ARHGAP6: variants seen among roughly 807,000 people sequenced by gnomAD.
ARHGAP6 encodes rho GTPase-activating protein 6.
Under a neutral mutation model 55.7 loss-of-function variants are expected in ARHGAP6, and 16 were observed. The observed-to-expected ratio is 0.29, with a 90% CI of 0.19 to 0.44. The LOEUF (loss-of-function observed/expected upper bound fraction) is 0.44, where lower values mean the gene tolerates loss of function less well. Ranked by LOEUF, ARHGAP6 falls within the 20% of genes least tolerant of loss-of-function variation. ARHGAP6 has a pLI of 1.00. For synonymous variants in ARHGAP6, 382 were observed against 360.9 expected (o/e 1.06, Z -0.66); for missense variants, 698 against 808.9 (o/e 0.86, Z 1.66).
intron 1 of ARHGAP6, among the ~76,000 whole-genome samples, chrX:11,417,059 C>CATATATATATATAT (rs768174897): frequency 3.3e-4 from 11 of 33,356 alleles, no homozygotes; most frequent in Non-Finnish European, 4.5e-4. Flanking sequence ...TGGGTGTGTA[C>CATATATATATATAT]ATATATATAT....
chrX:11,262,004 T>G lies in ARHGAP6; in HGVS notation c.589-7297A>C, dbSNP rs1040306589. Among the ~76,000 whole-genome samples, 11 of 112,212 alleles carry G rather than the reference T, an allele frequency of 9.8e-5. No homozygotes were observed. In the Admixed American group the frequency reaches 1.0e-3, roughly 11 times the overall value. On this transcript the variant is annotated intron_variant, in intron 1 of 12. Transcript: ENST00000337414. ...TAAGCCCAGATTACATATAATCTCC[T>G]TAAAATGATGGTGCTGGAAATATTA...
At chrX:11,442,517 T>C (rs2050049817) in intron 1 of ARHGAP6, among the ~76,000 whole-genome samples, 1 of 111,948 alleles carries the variant, frequency 8.9e-6, no homozygotes, top group African/African-American at 3.3e-5. Flanking sequence ...CTCCAGCACT[T>C]CTTTACAATT....
intron 1 of ARHGAP6, among the ~76,000 whole-genome samples, chrX:11,628,573 T>G (rs907178495): frequency 2.7e-5 from 3 of 112,704 alleles, no homozygotes; most frequent in Admixed American, 9.4e-5. Flanking sequence ...TCTGTGATAC[T>G]CTACAGCTAG....
intron 2 of ARHGAP6, among the ~76,000 whole-genome samples, chrX:11,213,224 TG>T (rs1417193501): frequency 8.9e-6 from 1 of 112,954 alleles, no homozygotes. Flanking sequence ...ACCCCGTGGG[TG>T]GGGCCCAGGC....
At position 11,472,309 on chromosome X, in the gene ARHGAP6, C is replaced by T. The variant is rs767003498; in HGVS notation, c.588+191932G>A. On this transcript the variant is annotated intron_variant, in intron 1 of 12. Transcript: ENST00000337414. ...AGACAAAATCCCTCCATGTTAAGAACCACTGACATAAATGAATTCAATAAT... is the reference window on the plus strand; with the variant it reads ...AGACAAAATCCCTCCATGTTAAGAATCACTGACATAAATGAATTCAATAAT... Among the ~76,000 whole-genome samples the T allele has an allele frequency of 2.0e-3, 220 of 111,725 alleles. 2 individuals carry two copies. The highest frequency in any genetic ancestry group is 2.7e-3 in the Non-Finnish European group (143 of 53,084).
chrX:11,635,818 C>T (rs1266541689), intron 1 of ARHGAP6, among the ~76,000 whole-genome samples: 11 of 111,761 alleles, frequency 9.8e-5, no homozygotes, highest in Non-Finnish European at 1.9e-4. Flanking sequence ...TCACTTTGGG[C>T]GTTGCAATAT....
intron 1 of ARHGAP6, among the ~76,000 whole-genome samples, chrX:11,586,864 T>C (rs1357469210): frequency 8.9e-6 from 1 of 112,114 alleles, no homozygotes; most frequent in Non-Finnish European, 1.9e-5. Context: ...TGGTTTATAG[T>C]TCTCCTTGCA....
intron 10 of ARHGAP6, among the ~76,000 whole-genome samples, chrX:11,149,637 CAG>C (rs1323742167): frequency 4.5e-5 from 5 of 111,608 alleles, no homozygotes; most frequent in Admixed American, 2.9e-4. Context: ...AAAAGAAAAA[CAG>C]AAATTATAAT....
At chrX:11,378,340 T>C (rs1449226800) in intron 1 of ARHGAP6, among the ~76,000 whole-genome samples, 1 of 112,827 alleles carries the variant, frequency 8.9e-6, no homozygotes, top group Non-Finnish European at 1.9e-5. Context: ...TAGAACACTT[T>C]CTTCATCCCA....
chrX:11,419,774 A>G (rs1041428701), intron 1 of ARHGAP6, among the ~76,000 whole-genome samples: 1 of 112,418 alleles, frequency 8.9e-6, no homozygotes, highest in Non-Finnish European at 1.9e-5. Flanking sequence ...TCTTTACCAG[A>G]TATTTCAGTC....
chrX:11,434,383 C>A (rs1366391236), intron 1 of ARHGAP6, among the ~76,000 whole-genome samples: 1 of 111,603 alleles, frequency 9.0e-6, no homozygotes, highest in Admixed American at 9.5e-5. Context: ...TGGGTCTCCA[C>A]CCATCGTTGA....
At chrX:11,526,257 G>C (rs1188848617) in intron 1 of ARHGAP6, among the ~76,000 whole-genome samples, 1 of 111,450 alleles carries the variant, frequency 9.0e-6, no homozygotes, top group Non-Finnish European at 1.9e-5. Flanking sequence ...GCTTCACTCT[G>C]AGTCATCCCA....
chrX:11,643,914 G>A (rs1338838715), intron 1 of ARHGAP6, among the ~76,000 whole-genome samples: 1 of 111,351 alleles, frequency 9.0e-6, no homozygotes, highest in Non-Finnish European at 1.9e-5. Flanking sequence ...CTAGCTGACC[G>A]CATATGCATG....
At chrX:11,222,415 T>G (rs2147419230) in intron 2 of ARHGAP6, among the ~76,000 whole-genome samples, 1 of 111,994 alleles carries the variant, frequency 8.9e-6, no homozygotes, top group East Asian at 2.8e-4. Flanking sequence ...AGATGGATAC[T>G]GTATGTAAAA....
intron 1 of ARHGAP6, among the ~76,000 whole-genome samples, chrX:11,354,321 CTCTCTCTATATATA>C (rs1423213331): frequency 8.7e-4 from 56 of 64,394 alleles, no homozygotes; most frequent in Non-Finnish European, 1.5e-3. Flanking sequence ...CTCTCTCTCT[CTCTCTCTATATATA>C]TATATATATA....
chrX:11,567,033 G>A (rs749291642), intron 1 of ARHGAP6, among the ~76,000 whole-genome samples: 180 of 112,057 alleles, frequency 1.6e-3, no homozygotes, highest in Middle Eastern at 9.2e-3. Context: ...ACACATCAGT[G>A]CACAGCAGTC....
At chrX:11,414,852 G>A (rs1424113033) in intron 1 of ARHGAP6, among the ~76,000 whole-genome samples, 2 of 111,635 alleles carry the variant, frequency 1.8e-5, no homozygotes, top group East Asian at 5.5e-4. Flanking sequence ...TCTTTTAAAA[G>A]TGATACTAGT....
At chrX:11,472,254 A>T (rs983831886) in intron 1 of ARHGAP6, among the ~76,000 whole-genome samples, 1 of 111,601 alleles carries the variant, frequency 9.0e-6, no homozygotes, top group Non-Finnish European at 1.9e-5. Context: ...AGAACAAAAA[A>T]ATCTCCAGAT....
chrX:11,565,484 G>C (rs1460792606), intron 1 of ARHGAP6, among the ~76,000 whole-genome samples: 1 of 112,165 alleles, frequency 8.9e-6, no homozygotes, highest in African/African-American at 3.2e-5. Flanking sequence ...TTCAGGGTGA[G>C]CTCACACAAA....
Sources: gnomAD v4.1 joint callset for allele counts (sites outside exome capture counted in the v4.1 genomes callset) on GRCh38, gnomAD v4.1.1 for gene constraint, MANE v1.5 for transcripts, NCBI Gene and HGNC (gene_info 2026-07-23, HGNC 2026-07-21) for gene names.